The following ARB2A variants were observed in gnomAD, a reference collection of about 807,000 sequenced individuals.
ARB2A encodes cotranscriptional regulator ARB2A.
the ARB2A span, among the ~76,000 whole-genome samples, chr5:93,630,729 G>A: frequency 5.9e-5 from 9 of 152,134 alleles, no homozygotes; most frequent in African/African-American, 1.7e-4. Flanking sequence ...CTGAACTCAG[G>A]AGTTGGAGGC....
chr5:93,852,161 T>C, the ARB2A span, among the ~76,000 whole-genome samples: 1 of 152,176 alleles, frequency 6.6e-6, no homozygotes, highest in African/African-American at 2.4e-5. Flanking sequence ...TGGTGTGAGA[T>C]GGTATCTCAC....
At chr5:93,908,904 T>C in the ARB2A span, among the ~76,000 whole-genome samples, 7 of 151,154 alleles carry the variant, frequency 4.6e-5, no homozygotes, top group South Asian at 1.5e-3. Context: ...GTAAGAGCTA[T>C]TGTATAAAGA....
chr5:93,709,912 T>G, the ARB2A span, among the ~76,000 whole-genome samples: 1 of 152,170 alleles, frequency 6.6e-6, no homozygotes, highest in African/African-American at 2.4e-5. Flanking sequence ...ATAAAACTTT[T>G]AAGAAGCAAA....
the ARB2A span, among the ~76,000 whole-genome samples, chr5:93,795,368 C>T: frequency 1.3e-5 from 2 of 152,140 alleles, no homozygotes; most frequent in Non-Finnish European, 2.9e-5. Flanking sequence ...AGAACTTGAC[C>T]CAGACCATGA....
chr5:93,750,608 A>T, the ARB2A span, among the ~76,000 whole-genome samples: 1 of 152,072 alleles, frequency 6.6e-6, no homozygotes, highest in African/African-American at 2.4e-5. Flanking sequence ...TGCAGCCTCA[A>T]CCTCCCAGGC....
the ARB2A span, among the ~76,000 whole-genome samples, chr5:93,837,228 C>A: frequency 5.0e-3 from 759 of 152,184 alleles, 10 homozygotes; most frequent in African/African-American, 0.018. Context: ...GTTTTCTGTT[C>A]CTGCATTAGT....
chr5:93,765,757 T>A, the ARB2A span, among the ~76,000 whole-genome samples: 1 of 152,118 alleles, frequency 6.6e-6, no homozygotes, highest in Non-Finnish European at 1.5e-5. Context: ...AGAACAAAGC[T>A]GGAGACATCA....
the ARB2A span, among the ~76,000 whole-genome samples, chr5:93,661,555 A>G: frequency 1.3e-5 from 2 of 151,996 alleles, no homozygotes; most frequent in Non-Finnish European, 2.9e-5. Context: ...ATCACCTATC[A>G]GGGGTGTCCA....
chr5:93,725,761 C>T, the ARB2A span, among the ~76,000 whole-genome samples: 1 of 152,044 alleles, frequency 6.6e-6, no homozygotes, highest in African/African-American at 2.4e-5. Flanking sequence ...GCAGCTCTCC[C>T]TTAAAAAGAT....
At chr5:93,675,527 A>G in the ARB2A span, among the ~76,000 whole-genome samples, 1 of 152,104 alleles carries the variant, frequency 6.6e-6, no homozygotes, top group Non-Finnish European at 1.5e-5. Flanking sequence ...AAAAACAAAA[A>G]CCTCACTCAG....
the ARB2A span, among the ~76,000 whole-genome samples, chr5:93,967,067 A>T: frequency 6.6e-6 from 1 of 152,128 alleles, no homozygotes; most frequent in Admixed American, 6.6e-5. Context: ...GGAAGAAAGC[A>T]TCAAGGACTC....
chr5:94,028,651 T>C, the ARB2A span, among the ~76,000 whole-genome samples: 1 of 152,192 alleles, frequency 6.6e-6, no homozygotes, highest in African/African-American at 2.4e-5. Flanking sequence ...TTCAAACATA[T>C]AAAAACGTTG....
chr5:94,082,334 T>G, the ARB2A span, among the ~76,000 whole-genome samples: 1 of 152,190 alleles, frequency 6.6e-6, no homozygotes. Flanking sequence ...TGGTAATAAC[T>G]TTATTGTTAT....
the ARB2A span, among the ~76,000 whole-genome samples, chr5:93,786,299 A>G: frequency 1.3e-5 from 2 of 152,206 alleles, no homozygotes; most frequent in Middle Eastern, 3.2e-3. Context: ...TTAAAATTCT[A>G]CAAGATGGAA....
At chr5:93,865,328 G>A in the ARB2A span, 8,816 of 854,476 alleles carry the variant, frequency 0.01, 41 homozygotes, top group Non-Finnish European at 0.011. Context: ...TGATCCGCCC[G>A]CCTCGGCCTC....
At chr5:93,762,864 T>C in the ARB2A span, among the ~76,000 whole-genome samples, 2 of 152,068 alleles carry the variant, frequency 1.3e-5, no homozygotes, top group African/African-American at 2.4e-5. Context: ...TGGCAGAAAC[T>C]CTACAAGCCA....
the ARB2A span, among the ~76,000 whole-genome samples, chr5:93,655,364 A>G: frequency 3.3e-5 from 5 of 152,210 alleles, no homozygotes; most frequent in Non-Finnish European, 5.9e-5. Flanking sequence ...CACAGTTACA[A>G]TATGCCAGTA....
At chr5:93,993,993 A>G in the ARB2A span, among the ~76,000 whole-genome samples, 1 of 152,138 alleles carries the variant, frequency 6.6e-6, no homozygotes, top group South Asian at 2.1e-4. Context: ...GCATATCTCT[A>G]TATCAAGGGC....
the ARB2A span, among the ~76,000 whole-genome samples, chr5:93,709,632 CAAAAA>C: frequency 0.024 from 994 of 41,542 alleles, 1 homozygote; most frequent in African/African-American, 0.07. Context: ...GACTCTGTCA[CAAAAA>C]AAAAAAAAAA....
Sources: allele counts gnomAD v4.1 joint callset (sites outside exome capture counted in the v4.1 genomes callset), GRCh38; gene constraint gnomAD v4.1.1; transcripts MANE v1.5; gene names NCBI Gene and HGNC (gene_info 2026-07-23, HGNC 2026-07-21).